The following PRKN variants were observed in gnomAD, a reference collection of about 807,000 sequenced individuals.
PRKN encodes E3 ubiquitin-protein ligase parkin.
PRKN carries 56 observed loss-of-function variants against 59.5 expected under a neutral mutation model. That is an observed-to-expected ratio of 0.94 (90% CI 0.76 to 1.18). The LOEUF is 1.18. PRKN is among the 50% of genes most tolerant of loss of function. PRKN has a pLI of 0.00. For missense variants in PRKN, 657 were observed against 596.4 expected, an observed-to-expected ratio of 1.10 and a Z score of -1.06; for synonymous variants, 250 against 222.1, an observed-to-expected ratio of 1.13 and a Z score of -1.12.
chr6:161,968,012 A>T (rs952142926), intron 6 of PRKN, among the ~76,000 whole-genome samples: 13 of 151,840 alleles, frequency 8.6e-5, no homozygotes, highest in Admixed American at 3.3e-4. Context: ...GATGGACATT[A>T]TCAGTGTGGG....
chr6:162,424,822 T>C (rs1789149086), intron 2 of PRKN, among the ~76,000 whole-genome samples: 1 of 151,434 alleles, frequency 6.6e-6, no homozygotes, highest in Admixed American at 6.6e-5. Context: ...TGTGTGTAAG[T>C]AAGGGAATGA....
At chr6:162,223,989 T>A (rs1778052400) in intron 3 of PRKN, among the ~76,000 whole-genome samples, 2 of 152,148 alleles carry the variant, frequency 1.3e-5, no homozygotes, top group Admixed American at 1.3e-4. Context: ...GGTGTCAGCA[T>A]CTGAAATTAG....
intron 4 of PRKN, among the ~76,000 whole-genome samples, chr6:162,090,348 T>G (rs1779431813): frequency 6.6e-6 from 1 of 152,188 alleles, no homozygotes; most frequent in Non-Finnish European, 1.5e-5. Flanking sequence ...AAAACTTCTG[T>G]TTACATTTTA....
rs1241998771 is a variant in PRKN at position 161,562,885 on chromosome 6, C to T, written c.933+6470G>A. Among the ~76,000 whole-genome samples the T allele has an allele frequency of 6.6e-6, 1 of 152,192 alleles. No individual in the cohort carries two copies. Among genetic ancestry groups the T allele is most frequent in the Non-Finnish European group, 1.5e-5 (1 of 68,008 alleles). ...TAATTTGGATAATGCTAACCCCTTG[C>T]TTAAACCTTCAAGGATTTCCCACTA... On this transcript the variant is annotated intron_variant, in intron 8 of 11. Transcript: ENST00000366898. The surrounding 1 kb of genome is among the most constrained non-coding windows in gnomAD (Gnocchi z 4.3).
chr6:161,426,294 G>A (rs1340519823), intron 9 of PRKN, among the ~76,000 whole-genome samples: 1 of 152,146 alleles, frequency 6.6e-6, no homozygotes. Flanking sequence ...ACTGAAGGAT[G>A]CAAAGTATTG....
intron 7 of PRKN, among the ~76,000 whole-genome samples, chr6:161,715,369 G>A (rs964039754): frequency 3.3e-5 from 5 of 152,056 alleles, no homozygotes; most frequent in Admixed American, 6.5e-5. Flanking sequence ...TATCTGGAAC[G>A]CCATAGCAGC....
rs1787913148 is a variant in PRKN, at chr6:161,417,657, C to T, written c.1084-30780G>A. On this transcript the variant is annotated intron_variant, in intron 9 of 11. Transcript: ENST00000366898. The surrounding 1 kb of genome is among the most constrained non-coding windows in gnomAD (Gnocchi z 5.4). ...AATTGTCACAGCAGTACTCAATACA[C>T]ACATTTTCACAGGCAAGGAAACTCA... 1.3e-5 allele frequency among the ~76,000 whole-genome samples: 2 copies of T among 152,142 alleles called. No individual in the cohort carries two copies. The highest frequency in any genetic ancestry group is 1.3e-4 in the Admixed American group (2 of 15,280).
At chr6:162,554,402 TGAGGCAG>T (rs1177255574) in intron 1 of PRKN, among the ~76,000 whole-genome samples, 1 of 152,128 alleles carries the variant, frequency 6.6e-6, no homozygotes, top group Non-Finnish European at 1.5e-5. Context: ...CTTGGGAGGC[TGAGGCAG>T]GAGAATCACT....
chr6:161,537,248 A>G (rs1000004810), intron 9 of PRKN, among the ~76,000 whole-genome samples: 3 of 152,186 alleles, frequency 2.0e-5, no homozygotes, highest in African/African-American at 7.2e-5. Context: ...AATCACTGGG[A>G]AATTTCTCTT....
At chr6:162,122,720 A>T (rs1212536048) in intron 4 of PRKN, among the ~76,000 whole-genome samples, 1 of 88,658 alleles carries the variant, frequency 1.1e-5, no homozygotes, top group African/African-American at 3.9e-5. Context: ...AATCTGTTCT[A>T]TCTATCTATC....
At chr6:162,589,752 C>G (rs1030766622) in intron 1 of PRKN, among the ~76,000 whole-genome samples, 4 of 152,164 alleles carry the variant, frequency 2.6e-5, no homozygotes, top group Non-Finnish European at 5.9e-5. Flanking sequence ...TACTTTCGAC[C>G]ATTACTAGAA....
intron 4 of PRKN, among the ~76,000 whole-genome samples, chr6:162,104,676 C>G (rs1245086901): frequency 1.3e-5 from 2 of 152,164 alleles, no homozygotes; most frequent in Non-Finnish European, 2.9e-5. Flanking sequence ...CATTTCTCAA[C>G]AAGCCCACCG....
chr6:162,038,081 G>C (rs1783916957), intron 5 of PRKN, among the ~76,000 whole-genome samples: 1 of 150,604 alleles, frequency 6.6e-6, no homozygotes, highest in Admixed American at 6.6e-5. Flanking sequence ...CTTTTCCTAA[G>C]CCATTATGAC....
At chr6:162,557,684 A>G (rs1779664859) in intron 1 of PRKN, among the ~76,000 whole-genome samples, 1 of 151,976 alleles carries the variant, frequency 6.6e-6, no homozygotes, top group Non-Finnish European at 1.5e-5. Context: ...TAATTTTTGT[A>G]TTTTTAGTAG....
chr6:161,982,088 G>T (rs1781280087), intron 5 of PRKN, among the ~76,000 whole-genome samples: 1 of 152,188 alleles, frequency 6.6e-6, no homozygotes, highest in South Asian at 2.1e-4. Context: ...CTGCCTGATT[G>T]TAAGTTCTTC....
At chr6:161,418,531 A>G (rs1387660286) in intron 9 of PRKN, among the ~76,000 whole-genome samples, 3 of 152,218 alleles carry the variant, frequency 2.0e-5, no homozygotes, top group African/African-American at 7.2e-5. Flanking sequence ...CAGCAAAGTG[A>G]GAACAGGAGC....
intron 1 of PRKN, among the ~76,000 whole-genome samples, chr6:162,510,403 G>A (rs1055038561): frequency 3.3e-5 from 5 of 152,112 alleles, no homozygotes; most frequent in East Asian, 3.9e-4. Flanking sequence ...GTGAGAGGGC[G>A]ACACTCCTAG....
chr6:161,506,300 A>G (rs1463796842), intron 9 of PRKN, among the ~76,000 whole-genome samples: 1 of 152,112 alleles, frequency 6.6e-6, no homozygotes, highest in Non-Finnish European at 1.5e-5. Flanking sequence ...TGTGAATGGG[A>G]GTTCACTCAT....
At chr6:162,521,783 A>G (rs1778087629) in intron 1 of PRKN, among the ~76,000 whole-genome samples, 1 of 152,156 alleles carries the variant, frequency 6.6e-6, no homozygotes, top group Admixed American at 6.5e-5. Flanking sequence ...TAAGCACAAA[A>G]TATTATATGG....
Sources: gnomAD v4.1 joint callset for allele counts (sites outside exome capture counted in the v4.1 genomes callset) on GRCh38, gnomAD v4.1.1 for gene constraint, Gnocchi (gnomAD v3.1) non-coding constraint, MANE v1.5 for transcripts, NCBI Gene and HGNC (gene_info 2026-07-23, HGNC 2026-07-21) for gene names.